HS3ST5: variants seen among roughly 807,000 people sequenced by gnomAD.
HS3ST5 encodes the protein heparan sulfate-glucosamine 3-sulfotransferase 5.
A neutral mutation model predicts 25.4 loss-of-function variants in HS3ST5; 10 were observed. The ratio of observed to expected loss-of-function variants is 0.39; its 90% CI spans 0.24 to 0.67. The LOEUF (loss-of-function observed/expected upper bound fraction) is 0.67, where lower values mean the gene tolerates loss of function less well. Among genes scored for constraint, HS3ST5 ranks in the 30% least tolerant of loss-of-function variants. The probability of loss-of-function intolerance (pLI) is 0.44; values close to 1 mark genes in which losing one functional copy is unlikely to be tolerated. For missense variants in HS3ST5, 324 were observed against 420.7 expected, an observed-to-expected ratio of 0.77 and a Z score of 2.01; for synonymous variants, 170 against 162.4, an observed-to-expected ratio of 1.05 and a Z score of -0.36.
intron 2 of HS3ST5, among the ~76,000 whole-genome samples, chr6:114,171,490 T>C (rs1459256863): frequency 6.6e-6 from 1 of 152,174 alleles, no homozygotes; most frequent in East Asian, 1.9e-4. Context: ...CAATCCTTAG[T>C]GTGCTTGGTG....
intron 3 of HS3ST5, among the ~76,000 whole-genome samples, chr6:114,139,526 C>T (rs1003369698): frequency 6.6e-6 from 1 of 152,158 alleles, no homozygotes; most frequent in South Asian, 2.1e-4. Flanking sequence ...TAGGTATTCT[C>T]AGTAAACAGA....
At chr6:114,289,660 C>T (rs1774487059) in intron 1 of HS3ST5, among the ~76,000 whole-genome samples, 1 of 152,104 alleles carries the variant, frequency 6.6e-6, no homozygotes, top group South Asian at 2.1e-4. Context: ...GACATTAATA[C>T]TTGTTATCTA....
At position 114,174,978 on chromosome 6, in the gene HS3ST5, C is replaced by T. The variant is rs78299754; in HGVS notation, c.-144-6516G>A. 1.0e-3 allele frequency among the ~76,000 whole-genome samples: 157 copies of T among 151,852 alleles called. 6 individuals carry two copies. The East Asian group carries it at 0.029, about 28-fold the overall frequency. ...ACTGCACTCCAGCCTGGTGACAGAG[C>T]GAGACTGTCAAAAAAAGAAAAAAGA... On this transcript the variant is annotated intron_variant, in intron 2 of 4. Coordinates refer to ENST00000312719, the MANE Select transcript of HS3ST5 (RefSeq NM_153612.4).
chr6:114,096,047 C>A (rs1051119244), intron 3 of HS3ST5, among the ~76,000 whole-genome samples: 1 of 152,156 alleles, frequency 6.6e-6, no homozygotes, highest in Admixed American at 6.6e-5. Flanking sequence ...ACTACCTTCA[C>A]CTTACCTTTT....
chr6:114,179,306 G>A (rs768161694), intron 2 of HS3ST5: 1 of 152,128 alleles, frequency 6.6e-6, no homozygotes, highest in Non-Finnish European at 1.5e-5. Context: ...TCTAACTTTG[G>A]CAGCTGTATG....
chr6:114,084,464 T>G (rs1281481750), intron 3 of HS3ST5: 7 of 757,224 alleles, frequency 9.2e-6, no homozygotes, highest in Non-Finnish European at 1.7e-5. Context: ...AGATCAGGCA[T>G]GACCTCCCGC....
At chr6:114,170,407 T>A (rs567896084) in intron 2 of HS3ST5, among the ~76,000 whole-genome samples, 1 of 152,268 alleles carries the variant, frequency 6.6e-6, no homozygotes, top group Admixed American at 6.5e-5. Context: ...TTAGATTTTA[T>A]TCCTTGGAGT....
At chr6:114,211,943 C>T (rs189842724) in intron 2 of HS3ST5, among the ~76,000 whole-genome samples, 2 of 152,194 alleles carry the variant, frequency 1.3e-5, no homozygotes, top group Non-Finnish European at 2.9e-5. Context: ...CATTGTTCTG[C>T]AACAGCGTGG....
chr6:114,089,643 A>G (rs1775022652), intron 3 of HS3ST5, among the ~76,000 whole-genome samples: 1 of 152,238 alleles, frequency 6.6e-6, no homozygotes, highest in African/African-American at 2.4e-5. Flanking sequence ...TAGCTAAGAA[A>G]TGTTGGAGCT....
chr6:114,268,495 TAAC>T (rs1459144854), intron 1 of HS3ST5, among the ~76,000 whole-genome samples: 1 of 152,160 alleles, frequency 6.6e-6, no homozygotes, highest in African/African-American at 2.4e-5. Context: ...ATTTTCATCC[TAAC>T]ACAGCAACAA....
intron 3 of HS3ST5, chr6:114,084,664 A>G: frequency 8.6e-7 from 1 of 1,162,404 alleles, no homozygotes; most frequent in Non-Finnish European, 1.3e-6. Flanking sequence ...GCTGATGGTC[A>G]GCCCTGGGGT....
chr6:114,148,578 G>A (rs765324962), intron 3 of HS3ST5, among the ~76,000 whole-genome samples: 23 of 152,100 alleles, frequency 1.5e-4, no homozygotes, highest in Admixed American at 6.5e-4. Context: ...CCAAGATCGC[G>A]CCACTGTACT....
At chr6:114,080,527 A>G (rs113683096) in intron 3 of HS3ST5, among the ~76,000 whole-genome samples, 5,155 of 152,334 alleles carry the variant, frequency 0.034, 129 homozygotes, top group African/African-American at 0.072. Flanking sequence ...AAGACATGGA[A>G]TCAACCTAGG....
At chr6:114,273,802 G>C (rs922953822) in intron 1 of HS3ST5, among the ~76,000 whole-genome samples, 1 of 152,014 alleles carries the variant, frequency 6.6e-6, no homozygotes, top group Non-Finnish European at 1.5e-5. Flanking sequence ...GTTGTGGGGT[G>C]AAAGCCTGAC....
At chr6:114,318,663 C>A (rs1026026023) in intron 1 of HS3ST5, among the ~76,000 whole-genome samples, 9 of 152,142 alleles carry the variant, frequency 5.9e-5, no homozygotes, top group Non-Finnish European at 1.3e-4. Context: ...CTAGAGCAAC[C>A]AGCATCGTGA....
intron 3 of HS3ST5, among the ~76,000 whole-genome samples, chr6:114,154,120 G>T (rs780226941): frequency 2.0e-5 from 3 of 152,120 alleles, no homozygotes; most frequent in African/African-American, 7.2e-5. Flanking sequence ...GTCTATTAAC[G>T]AAGGAGAGGT....
chr6:114,072,265 T>C (rs1773865149), intron 3 of HS3ST5, among the ~76,000 whole-genome samples: 1 of 152,038 alleles, frequency 6.6e-6, no homozygotes, highest in Non-Finnish European at 1.5e-5. Context: ...TCTTGTCTCC[T>C]CATACACTTT....
intron 1 of HS3ST5, chr6:114,282,029 T>C (rs1476911126): frequency 1.3e-5 from 2 of 151,974 alleles, no homozygotes; most frequent in Non-Finnish European, 2.9e-5. Context: ...CAATTTGCTA[T>C]GGAAAAGAAA....
intron 1 of HS3ST5, among the ~76,000 whole-genome samples, chr6:114,233,778 A>C (rs1172389689): frequency 6.6e-6 from 1 of 152,222 alleles, no homozygotes; most frequent in Non-Finnish European, 1.5e-5. Context: ...ATTCCTAGTT[A>C]GTGGACATTT....
Sources: allele counts gnomAD v4.1 joint callset (sites outside exome capture counted in the v4.1 genomes callset), GRCh38; gene constraint gnomAD v4.1.1; transcripts MANE v1.5; gene names NCBI Gene and HGNC (gene_info 2026-07-23, HGNC 2026-07-21).